The following RBFOX1 variants were observed in gnomAD, a reference collection of about 807,000 sequenced individuals.
RBFOX1 encodes RNA binding fox-1 homolog 1, also known as RNA binding protein fox-1 homolog 1.
Under a neutral mutation model 57.7 loss-of-function variants are expected in RBFOX1, and 8 were observed. The observed-to-expected ratio is 0.14, with a 90% CI of 0.08 to 0.25. The LOEUF is 0.25. Ranked by LOEUF, RBFOX1 falls within the 10% of genes least tolerant of loss-of-function variation. The pLI, the probability that RBFOX1 is intolerant of heterozygous loss-of-function variation, is 1.00. For missense variants in RBFOX1, 611 were observed against 548.5 expected (o/e 1.11, Z -1.14); for synonymous variants, 326 against 222.4 (o/e 1.47, Z -4.15).
chr16:5,932,478 A>C (rs1010065439), intron 4 of RBFOX1, among the ~76,000 whole-genome samples: 1 of 152,216 alleles, frequency 6.6e-6, no homozygotes, highest in African/African-American at 2.4e-5. Context: ...GTAGGACTCT[A>C]AGCAGACAGA....
At chr16:7,022,418 G>C (rs558011681) in intron 3 of RBFOX1, among the ~76,000 whole-genome samples, 1 of 152,056 alleles carries the variant, frequency 6.6e-6, no homozygotes, top group South Asian at 2.1e-4. Context: ...CTTAAACCCA[G>C]AGCATATCTT....
At chr16:6,931,189 A>G (rs1047144557) in intron 3 of RBFOX1, among the ~76,000 whole-genome samples, 1 of 149,624 alleles carries the variant, frequency 6.7e-6, no homozygotes, top group African/African-American at 2.5e-5. Flanking sequence ...CTGTGTAGAT[A>G]TGGCATAATA....
intron 4 of RBFOX1, among the ~76,000 whole-genome samples, chr16:7,474,626 G>T (rs1157294085): frequency 1.1e-4 from 16 of 152,310 alleles, no homozygotes; most frequent in Admixed American, 1.0e-3. Context: ...ATATTAAGGA[G>T]CCTGGCTCTA....
chr16:5,742,179 C>A (rs747481357), intron 3 of RBFOX1, among the ~76,000 whole-genome samples: 1 of 151,898 alleles, frequency 6.6e-6, no homozygotes, highest in Non-Finnish European at 1.5e-5. Flanking sequence ...TGGGCATATC[C>A]GTCCTTCCCT....
chr16:7,170,749 A>C (rs573129313), intron 4 of RBFOX1, among the ~76,000 whole-genome samples: 17 of 152,232 alleles, frequency 1.1e-4, no homozygotes, highest in South Asian at 2.1e-4. Context: ...TGGTTGAATG[A>C]ATGTCTTCAT....
chr16:6,271,419 T>A (rs549359380), intron 1 of RBFOX1, among the ~76,000 whole-genome samples: 1 of 151,980 alleles, frequency 6.6e-6, no homozygotes, highest in African/African-American at 2.4e-5. Flanking sequence ...CAAGACCCTG[T>A]CTAAAAAACA....
chr16:7,399,892 A>G (rs567917949), intron 4 of RBFOX1, among the ~76,000 whole-genome samples: 1 of 152,342 alleles, frequency 6.6e-6, no homozygotes, highest in East Asian at 1.9e-4. Flanking sequence ...GAAACAGTTC[A>G]TTTTAACTTA....
At chr16:6,575,123 G>A (rs563596179) in intron 2 of RBFOX1, among the ~76,000 whole-genome samples, 1 of 151,962 alleles carries the variant, frequency 6.6e-6, no homozygotes, top group African/African-American at 2.4e-5. Flanking sequence ...CTCCCCGCAA[G>A]GCGACAGGAC....
intron 12 of RBFOX1, among the ~76,000 whole-genome samples, chr16:7,661,102 T>G (rs1266568578): frequency 6.6e-6 from 1 of 152,176 alleles, no homozygotes; most frequent in Non-Finnish European, 1.5e-5. Flanking sequence ...GCTGTTACTA[T>G]TAGGGAGAAA....
intron 4 of RBFOX1, among the ~76,000 whole-genome samples, chr16:5,979,896 A>T (rs1330286157): frequency 1.3e-5 from 2 of 152,168 alleles, no homozygotes; most frequent in Non-Finnish European, 2.9e-5. Flanking sequence ...TTTAAGGTGC[A>T]AGAGGTTAAA....
chr16:5,641,535 G>A lies in RBFOX1; in HGVS notation c.318+42574G>A, dbSNP rs142198892. On this transcript the variant is annotated intron_variant, in intron 3 of 19. Coordinates refer to the RBFOX1 transcript ENST00000641259. ...ACTCAGGTCCTGGCACAGGGTCACT[G>A]TGCCACCTAGCTCCTGAGTGAGGCT... is the stretch of plus-strand genomic sequence containing the variant. Among the ~76,000 whole-genome samples, 565 of 152,322 alleles carry A rather than the reference G, an allele frequency of 3.7e-3. 3 individuals carry two copies. The highest frequency in any genetic ancestry group is 0.014 in the Middle Eastern group (4 of 294).
At chr16:7,067,692 C>A (rs889189040) in intron 4 of RBFOX1, among the ~76,000 whole-genome samples, 1 of 126,112 alleles carries the variant, frequency 7.9e-6, no homozygotes, top group Non-Finnish European at 1.6e-5. Flanking sequence ...CCCGTCCCCC[C>A]ACCCCACAAC....
chr16:7,595,721 T>C (rs1330013676), intron 8 of RBFOX1, 80 bp downstream of exon 8: 4 of 1,149,278 alleles, frequency 3.5e-6, no homozygotes, highest in East Asian at 2.9e-5. Context: ...AGATGCATCA[T>C]TGGCGTCTTG....
intron 4 of RBFOX1, among the ~76,000 whole-genome samples, chr16:7,074,240 G>C (rs948578433): frequency 2.6e-5 from 4 of 152,186 alleles, no homozygotes; most frequent in Non-Finnish European, 5.9e-5. Flanking sequence ...AAATATTGTA[G>C]GGTTTATAGG....
Position 7,263,829 on chromosome 16 carries a change from G to A in RBFOX1, c.27+211731G>A, listed in dbSNP as rs939969027. ...GCGGGAGAATCGCTTGAACCCAGAAGGCGGAGGTTGTGGTGAGCTGAGATT... is the reference window on the plus strand; with the variant it reads ...GCGGGAGAATCGCTTGAACCCAGAAAGCGGAGGTTGTGGTGAGCTGAGATT... On this transcript the variant is annotated intron_variant, in intron 4 of 15. Transcript: ENST00000550418. 2.6e-5 allele frequency among the ~76,000 whole-genome samples: 4 copies of A among 151,770 alleles called. No individual in the cohort carries two copies. The East Asian group carries it at 5.8e-4, about 22-fold the overall frequency.
intron 3 of RBFOX1, among the ~76,000 whole-genome samples, chr16:6,719,998 G>A (rs975832266): frequency 3.9e-5 from 6 of 151,966 alleles, no homozygotes. Flanking sequence ...GGAGGCTGAG[G>A]CAGGAGAATC....
At chr16:7,351,469 GACAAA>G (rs2097128971) in intron 4 of RBFOX1, among the ~76,000 whole-genome samples, 1 of 152,292 alleles carries the variant, frequency 6.6e-6, no homozygotes, top group Non-Finnish European at 1.5e-5. Flanking sequence ...AGGGGAAGGA[GACAAA>G]ACAAAGAATA....
chr16:6,113,859 C>T (rs2096470848), intron 1 of RBFOX1, among the ~76,000 whole-genome samples: 1 of 152,194 alleles, frequency 6.6e-6, no homozygotes, highest in Non-Finnish European at 1.5e-5. Flanking sequence ...CCAGGCCGTT[C>T]TCCTTTGCTC....
At chr16:6,539,691 G>C (rs545780166) in intron 2 of RBFOX1, among the ~76,000 whole-genome samples, 4 of 151,954 alleles carry the variant, frequency 2.6e-5, no homozygotes, top group Admixed American at 6.6e-5. Flanking sequence ...CCAGCTCCAC[G>C]GGAGGCTGAG....
Sources: allele counts gnomAD v4.1 joint callset (sites outside exome capture counted in the v4.1 genomes callset), GRCh38; gene constraint gnomAD v4.1.1; transcripts MANE v1.5; gene names NCBI Gene and HGNC (gene_info 2026-07-23, HGNC 2026-07-21).